ASTN1: variants seen among roughly 807,000 people sequenced by gnomAD.
The protein encoded by ASTN1 is astrotactin-1.
In ASTN1, 41 loss-of-function variants were observed where a neutral mutation model predicts 140.7. That is an observed-to-expected ratio of 0.29 (90% confidence interval 0.23 to 0.38). The LOEUF is 0.38. ASTN1 is among the 10% of genes least tolerant of loss of function. The pLI is 1.00. For synonymous variants in ASTN1, 640 were observed against 652.2 expected, an observed-to-expected ratio of 0.98 and a Z score of 0.29; for missense variants, 1,479 against 1,678.8, an observed-to-expected ratio of 0.88 and a Z score of 2.08.
chr1:177,096,257 T>C (rs1035386114), intron 1 of ASTN1, among the ~76,000 whole-genome samples: 1 of 152,158 alleles, frequency 6.6e-6, no homozygotes, highest in African/African-American at 2.4e-5. Context: ...TAGATGAGAT[T>C]TGGACTTTAA....
intron 22 of ASTN1, among the ~76,000 whole-genome samples, chr1:176,865,202 G>A (rs970645816): frequency 2.6e-5 from 4 of 152,160 alleles, no homozygotes; most frequent in African/African-American, 9.7e-5. Flanking sequence ...TCAAAGGAGA[G>A]GGAAAACAGA....
At position 176,861,681 on chromosome 1, in the gene ASTN1, C is replaced by T; in HGVS notation, c.*2603G>A. ...ATAGGAGTTGTGTGCATTGTGTGTG[C>T]ACACGTGTGTGTGTGTGTACATACA... On this transcript the variant is annotated 3_prime_UTR_variant, in exon 23 of 23. Transcript: ENST00000361833. 1.0e-6 allele frequency: 1 copy of T among 985,282 alleles called. No homozygotes were observed. Among genetic ancestry groups the T allele is most frequent in the Non-Finnish European group, 1.2e-6 (1 of 829,922 alleles). The allele number at this position is 985,282 out of a possible 1,614,324, so 61.0% of individuals were successfully genotyped here.
intron 1 of ASTN1, among the ~76,000 whole-genome samples, chr1:177,146,054 G>A (rs887490516): frequency 1.3e-5 from 2 of 151,940 alleles, no homozygotes; most frequent in Non-Finnish European, 2.9e-5. Context: ...TTTCATTACA[G>A]TAATAAGAAA....
chr1:177,014,939 T>A, intron 7 of ASTN1, 64 bp from the exon 8 acceptor site: 1 of 1,449,968 alleles, frequency 6.9e-7, no homozygotes, highest in East Asian at 2.3e-5. Flanking sequence ...TGTCTGTGTT[T>A]GTAAAAATTA....
chr1:176,868,919 A>C lies in ASTN1; in HGVS notation c.3572T>G (p.Val1191Gly). ...ATAGTGCTGGTTATAGTGGTAGAGG[A>C]CCCGGTGTAAGGTGGGGGAACCCAG... ...LDLGSPTLHR[V>G]LYHYNQHYES... Residue 1191 changes from valine to glycine, a missense_variant, in exon 22 of 23, where the codon GTC becomes GGC. Transcript: ENST00000361833. The C allele has an allele frequency of 6.2e-7, 1 of 1,612,172 alleles. No individual in the cohort carries two copies. Among genetic ancestry groups the C allele is most frequent in the Non-Finnish European group, 8.5e-7 (1 of 1,178,756 alleles).
intron 1 of ASTN1, among the ~76,000 whole-genome samples, chr1:177,147,222 C>T (rs1682758246): frequency 6.6e-6 from 1 of 152,092 alleles, no homozygotes; most frequent in Non-Finnish European, 1.5e-5. Flanking sequence ...ATAGTTTTCA[C>T]TACAAAGACA....
intron 16 of ASTN1, among the ~76,000 whole-genome samples, chr1:176,908,966 T>G (rs1670112585): frequency 6.6e-6 from 1 of 152,212 alleles, no homozygotes; most frequent in Non-Finnish European, 1.5e-5. Context: ...CATTGGCCAG[T>G]GAGGCCAATT....
chr1:177,042,696 G>C (rs2101996705), intron 2 of ASTN1, among the ~76,000 whole-genome samples: 1 of 152,260 alleles, frequency 6.6e-6, no homozygotes, highest in Non-Finnish European at 1.5e-5. Flanking sequence ...TCCATTTTTA[G>C]AAAGTAACTT....
At chr1:177,042,924 T>C (rs1677046575) in intron 2 of ASTN1, among the ~76,000 whole-genome samples, 1 of 152,226 alleles carries the variant, frequency 6.6e-6, no homozygotes, top group Non-Finnish European at 1.5e-5. Context: ...TGTCTACACT[T>C]AGTACTGTCT....
chr1:176,941,944 C>T (rs879442532), intron 14 of ASTN1, among the ~76,000 whole-genome samples: 5 of 152,110 alleles, frequency 3.3e-5, no homozygotes, highest in Admixed American at 2.6e-4. Context: ...GGGATATGTC[C>T]GGAAGCTGCA....
At chr1:177,129,018 A>G (rs1681811108) in intron 1 of ASTN1, among the ~76,000 whole-genome samples, 1 of 152,230 alleles carries the variant, frequency 6.6e-6, no homozygotes. Context: ...TGTTACCATC[A>G]GGATTATTTT....
intron 9 of ASTN1, among the ~76,000 whole-genome samples, chr1:176,962,461 G>A (rs1354544010): frequency 6.6e-6 from 1 of 152,174 alleles, no homozygotes; most frequent in African/African-American, 2.4e-5. Flanking sequence ...GTTCAAAATT[G>A]TATGTTGGAT....
At chr1:176,870,682 C>G (rs1668304222) in intron 21 of ASTN1, among the ~76,000 whole-genome samples, 2 of 152,238 alleles carry the variant, frequency 1.3e-5, no homozygotes, top group African/African-American at 4.8e-5. Context: ...AGCAACCAAA[C>G]TTGCAGCCAG....
In ASTN1 at chr1:176,951,539, C is replaced by A. The variant is rs191363975; in HGVS notation, c.1888-2188G>T. Among the ~76,000 whole-genome samples the A allele has an allele frequency of 5.9e-5, 9 of 152,334 alleles. No homozygotes were observed. The East Asian group carries it at 1.7e-3, about 29-fold the overall frequency. On this transcript the variant is annotated intron_variant, in intron 11 of 22. Coordinates refer to ENST00000361833, the MANE Select transcript of ASTN1 (RefSeq NM_004319.3). ...CCTCATATGGTTTCAGCCCTTGTAC[C>A]ACCTAGCTACCTCAGTCACTAGCCA...
At chr1:177,056,323 C>T (rs977973071) in intron 2 of ASTN1, among the ~76,000 whole-genome samples, 1 of 152,124 alleles carries the variant, frequency 6.6e-6, no homozygotes, top group Non-Finnish European at 1.5e-5. Flanking sequence ...CATTGTTTCT[C>T]CCAGGAGTGA....
intron 16 of ASTN1, 118 bp from the exon 17 acceptor site, chr1:176,894,948 G>A: frequency 1.4e-6 from 2 of 1,385,272 alleles, no homozygotes; most frequent in Non-Finnish European, 2.0e-6. Flanking sequence ...CCACTGAAGG[G>A]GTAAGAATGT....
chr1:176,952,688 T>C (rs1195246946), intron 11 of ASTN1, among the ~76,000 whole-genome samples: 2 of 152,168 alleles, frequency 1.3e-5, no homozygotes, highest in Non-Finnish European at 2.9e-5. Flanking sequence ...CTCCAAACCA[T>C]GCCCTTCATC....
intron 16 of ASTN1, among the ~76,000 whole-genome samples, chr1:176,899,915 A>T (rs998945965): frequency 3.3e-5 from 5 of 152,216 alleles, no homozygotes; most frequent in African/African-American, 1.2e-4. Context: ...AGAAGATAGG[A>T]CATAAACTGA....
intron 11 of ASTN1, among the ~76,000 whole-genome samples, chr1:176,953,371 A>T (rs922108019): frequency 2.0e-5 from 3 of 152,236 alleles, no homozygotes; most frequent in Non-Finnish European, 4.4e-5. Flanking sequence ...GATGATTCAT[A>T]AGACATGCAA....
Sources: gnomAD v4.1 joint callset for allele counts (sites outside exome capture counted in the v4.1 genomes callset) on GRCh38, gnomAD v4.1.1 for gene constraint, MANE v1.5 for transcripts, NCBI Gene and HGNC (gene_info 2026-07-23, HGNC 2026-07-21) for gene names.